Variants in LRCH1 observed in about 807,000 individuals in gnomAD.
LRCH1 encodes the protein leucine rich repeats and calponin homology domain containing 1.
In LRCH1, 23 loss-of-function variants were observed where a neutral mutation model predicts 94.9. The observed-to-expected ratio is 0.24, with a 90% CI of 0.17 to 0.34. The LOEUF (loss-of-function observed/expected upper bound fraction) is 0.34, where lower values mean the gene tolerates loss of function less well. LRCH1 is among the 10% of genes least tolerant of loss of function. The pLI, the probability that LRCH1 is intolerant of heterozygous loss-of-function variation, is 1.00. For missense variants in LRCH1, 790 were observed against 945.9 expected, an observed-to-expected ratio of 0.84 and a Z score of 2.16; for synonymous variants, 364 against 354.9, an observed-to-expected ratio of 1.03 and a Z score of -0.29.
intron 1 of LRCH1, among the ~76,000 whole-genome samples, chr13:46,577,069 G>A (rs988897663): frequency 2.6e-5 from 4 of 152,130 alleles, no homozygotes. Context: ...TCTCTGACTT[G>A]AGGGTGGGCC....
At chr13:46,689,262 C>A in intron 7 of LRCH1, 66 bp downstream of exon 7, 1 of 1,233,848 alleles carries the variant, frequency 8.1e-7, no homozygotes, top group South Asian at 1.3e-5. Context: ...GTTCATTGAA[C>A]TCCTTTCTGT....
At chr13:46,682,665 C>T (rs1456178757) in intron 4 of LRCH1, among the ~76,000 whole-genome samples, 1 of 152,168 alleles carries the variant, frequency 6.6e-6, no homozygotes. Flanking sequence ...GGTGCTGCCT[C>T]TGCTGGAGTG....
chr13:46,636,473 C>T (rs1020391260), intron 1 of LRCH1, among the ~76,000 whole-genome samples: 1 of 152,204 alleles, frequency 6.6e-6, no homozygotes, highest in African/African-American at 2.4e-5. Flanking sequence ...AACTGAAATT[C>T]TGTACCCAGT....
chr13:46,607,658 T>A (rs2050703098), intron 1 of LRCH1, among the ~76,000 whole-genome samples: 1 of 151,932 alleles, frequency 6.6e-6, no homozygotes, highest in African/African-American at 2.4e-5. Context: ...TTTTTTTTTT[T>A]TTAATATGAG....
intron 1 of LRCH1, among the ~76,000 whole-genome samples, chr13:46,608,381 G>A (rs1392499766): frequency 6.6e-6 from 1 of 152,202 alleles, no homozygotes; most frequent in Non-Finnish European, 1.5e-5. Context: ...ATGGTGCCAT[G>A]TGTCATTTGG....
intron 10 of LRCH1, 148 bp from the exon 11 acceptor site, chr13:46,700,973 G>T: frequency 1.6e-6 from 1 of 610,794 alleles, no homozygotes; most frequent in Non-Finnish European, 2.9e-6. Context: ...ACCCCACAAG[G>T]TACAAACACA....
At chr13:46,679,722 C>A (rs760948712) in intron 3 of LRCH1, 1 of 152,340 alleles carries the variant, frequency 6.6e-6, no homozygotes, top group Non-Finnish European at 1.5e-5. Flanking sequence ...CACCCCACCT[C>A]CCCCATCAGA....
Position 46,712,376 on chromosome 13 carries a change from G to A in LRCH1, c.1582-149G>A, listed in dbSNP as rs576906311. ...TTATGCCATTTAACATCTTTACAAA[G>A]TGATTTTTTTTGGCCAGGACTTCAT... On this transcript the variant is annotated intron_variant, in intron 14 of 19. Transcript: ENST00000389797. 5 of 632,216 alleles carry A rather than the reference G, an allele frequency of 7.9e-6. No individual in the cohort carries two copies. The African/African-American group carries it at 9.0e-5, about 11-fold the overall frequency. 39.2% of individuals were successfully genotyped at this position (632,216 alleles called of 1,614,324 possible).
chr13:46,553,256 G>A lies in LRCH1; in HGVS notation c.-141G>A. 1.7e-6 allele frequency: 1 copy of A among 589,714 alleles called. No homozygotes were observed. Among genetic ancestry groups the A allele is most frequent in the Non-Finnish European group, 2.9e-6 (1 of 344,724 alleles). The allele number at this position is 589,714 out of a possible 1,614,324, so 36.5% of individuals were successfully genotyped here. The stretch of plus-strand genomic sequence containing the variant: ...CGCCCGCCCCCCATTCTACGCGCCT[G>A]CCCACACCCTCCTCCCCTCCTTCCA... On this transcript the variant is annotated 5_prime_UTR_variant, in exon 1 of 20. Transcript: ENST00000389797.
chr13:46,686,096 C>A, intron 5 of LRCH1, 55 bp downstream of exon 5: 1 of 1,383,916 alleles, frequency 7.2e-7, no homozygotes, highest in Non-Finnish European at 9.4e-7. Context: ...TTATAGGAGC[C>A]AAGGGAAAAT....
intron 18 of LRCH1, among the ~76,000 whole-genome samples, chr13:46,731,031 A>G (rs1239232757): frequency 1.1e-4 from 17 of 152,124 alleles, no homozygotes. Flanking sequence ...AAAGAAAATA[A>G]AGGAAAGCAA....
chr13:46,558,950 C>T (rs1469041771), intron 1 of LRCH1, among the ~76,000 whole-genome samples: 1 of 152,190 alleles, frequency 6.6e-6, no homozygotes, highest in African/African-American at 2.4e-5. Flanking sequence ...CACCCTAGCT[C>T]TGTGTGATCT....
At chr13:46,563,240 G>A (rs1005109783) in intron 1 of LRCH1, among the ~76,000 whole-genome samples, 4 of 152,170 alleles carry the variant, frequency 2.6e-5, no homozygotes, top group Non-Finnish European at 5.9e-5. Flanking sequence ...TGAATTGGAT[G>A]AGGATTAAAG....
intron 1 of LRCH1, among the ~76,000 whole-genome samples, chr13:46,631,157 C>T (rs573827784): frequency 1.4e-3 from 212 of 152,280 alleles, no homozygotes; most frequent in African/African-American, 4.1e-3. Context: ...TCTTAAAACA[C>T]GAGTGTGATT....
chr13:46,634,796 A>G (rs1401179848), intron 1 of LRCH1, among the ~76,000 whole-genome samples: 1 of 151,770 alleles, frequency 6.6e-6, no homozygotes, highest in Non-Finnish European at 1.5e-5. Flanking sequence ...CATTGATAGC[A>G]GACATCTATA....
chr13:46,619,343 T>G (rs2050853512), intron 1 of LRCH1, among the ~76,000 whole-genome samples: 1 of 152,120 alleles, frequency 6.6e-6, no homozygotes, highest in Admixed American at 6.6e-5. Context: ...ACTCTTGGCC[T>G]CAAGTGATCC....
chr13:46,665,983 T>C (rs2051509978), intron 2 of LRCH1, among the ~76,000 whole-genome samples: 1 of 152,208 alleles, frequency 6.6e-6, no homozygotes, highest in Admixed American at 6.5e-5. Flanking sequence ...TGTGCCTGTG[T>C]ATTTCCTTTT....
At chr13:46,668,912 G>A in intron 2 of LRCH1, 118 bp from the exon 3 acceptor site, 1 of 996,614 alleles carries the variant, frequency 1.0e-6, no homozygotes, top group Non-Finnish European at 1.5e-6. Flanking sequence ...TGGACTTCTT[G>A]TATTTGTAAA....
Position 46,699,403 on chromosome 13 carries a change from T to G in LRCH1, c.1313T>G (p.Ile438Arg). ...GATGTGCACTGGCAAACTGAGGGCA[T>G]GTGAGTGCCGAGGCCTTGGTTACAA... ...EEDVHWQTEGIISSSKDQDMD... is the reference protein window; with the variant it reads ...EEDVHWQTEGRISSSKDQDMD... The change falls in exon 10 of 20, where the codon ATA becomes AGA. Residue 438 changes from isoleucine (I) to arginine (R), a missense_variant and splice_region_variant. Ile to Arg is a moderately conservative substitution (Grantham distance 97). Around this residue, in one of 3 missense-constraint regions of LRCH1, gnomAD observed 460 missense variants for 508.9 expected, o/e 0.90. Coordinates refer to ENST00000389797, the MANE Select transcript of LRCH1 (RefSeq NM_001164211.2). 6.2e-7 allele frequency: 1 copy of G among 1,613,652 alleles called. No homozygotes were observed. Among genetic ancestry groups the G allele is most frequent in the South Asian group, 1.1e-5 (1 of 91,078 alleles).
Sources: allele counts gnomAD v4.1 joint callset (sites outside exome capture counted in the v4.1 genomes callset), GRCh38; gene constraint gnomAD v4.1.1; regional missense constraint gnomAD v4.1.1; transcripts MANE v1.5; gene names NCBI Gene and HGNC (gene_info 2026-07-23, HGNC 2026-07-21).